Variants in PDE4D observed in about 807,000 individuals in gnomAD.
PDE4D encodes the protein 3',5'-cyclic-AMP phosphodiesterase 4D.
Under a neutral mutation model 87.4 loss-of-function variants are expected in PDE4D, and 24 were observed. That is an observed-to-expected ratio of 0.27 (90% CI 0.20 to 0.39). The LOEUF (loss-of-function observed/expected upper bound fraction) is 0.39, where lower values mean the gene tolerates loss of function less well. PDE4D is among the 10% of genes least tolerant of loss of function. The pLI, the probability that PDE4D is intolerant of heterozygous loss-of-function variation, is 1.00. For missense variants in PDE4D, 714 were observed against 1,041.0 expected, an observed-to-expected ratio of 0.69 and a Z score of 4.32; for synonymous variants, 384 against 383.2, an observed-to-expected ratio of 1.00 and a Z score of -0.02.
intron 1 of PDE4D, among the ~76,000 whole-genome samples, chr5:59,592,934 GAAGT>G (rs1020163300): frequency 6.6e-6 from 1 of 151,784 alleles, no homozygotes; most frequent in Non-Finnish European, 1.5e-5. Flanking sequence ...CCGTAGCATG[GAAGT>G]AATACAAACA....
chr5:59,475,511 A>G (rs1285333260), intron 1 of PDE4D, among the ~76,000 whole-genome samples: 1 of 152,034 alleles, frequency 6.6e-6, no homozygotes, highest in Non-Finnish European at 1.5e-5. Context: ...ACCTTAAACT[A>G]CCTATTAGTT....
At chr5:60,075,079 G>A (rs926530497) in intron 2 of PDE4D, among the ~76,000 whole-genome samples, 4 of 152,170 alleles carry the variant, frequency 2.6e-5, no homozygotes, top group Non-Finnish European at 5.9e-5. Flanking sequence ...AGACTTGTTT[G>A]TGTGGTTGCT....
intron 5 of PDE4D, among the ~76,000 whole-genome samples, chr5:59,136,979 C>A (rs1163863781): frequency 6.6e-6 from 1 of 152,204 alleles, no homozygotes; most frequent in Non-Finnish European, 1.5e-5. Context: ...GAATGCCCCA[C>A]ATCCCAGGAA....
intron 1 of PDE4D, among the ~76,000 whole-genome samples, chr5:59,300,771 G>C (rs1770074484): frequency 6.6e-6 from 1 of 152,032 alleles, no homozygotes; most frequent in South Asian, 2.1e-4. Flanking sequence ...GATCCCACCG[G>C]TTGAAGGTTC....
intron 3 of PDE4D, among the ~76,000 whole-genome samples, chr5:59,930,788 A>C (rs575445114): frequency 3.2e-4 from 48 of 152,320 alleles, no homozygotes; most frequent in Non-Finnish European, 4.9e-4. Flanking sequence ...TTTTATTTAG[A>C]GTCATTGAAA....
chr5:59,011,056 C>T (rs779965075), intron 6 of PDE4D, among the ~76,000 whole-genome samples: 9 of 152,114 alleles, frequency 5.9e-5, no homozygotes, highest in South Asian at 2.1e-4. Context: ...CCAGCAAACT[C>T]GAACAGACCC....
chr5:60,139,991 G>A lies in PDE4D; in HGVS notation c.42+45566C>T, dbSNP rs573933810. Reference sequence around the variant, plus strand: ...TATACACTGCCTCTTAATCATCACTGCTCCATGTTATGCAACTTGTCATCA... The same window carrying A: ...TATACACTGCCTCTTAATCATCACTACTCCATGTTATGCAACTTGTCATCA... On this transcript the variant is annotated intron_variant, in intron 2 of 16. Transcript: ENST00000502484. Among the ~76,000 whole-genome samples, 13 of 151,996 alleles carry A rather than the reference G, an allele frequency of 8.6e-5. No homozygotes were observed. In the East Asian group the frequency reaches 2.5e-3, roughly 29 times the overall value.
At chr5:60,117,575 T>C (rs1042517981) in intron 2 of PDE4D, among the ~76,000 whole-genome samples, 1 of 152,074 alleles carries the variant, frequency 6.6e-6, no homozygotes, top group Non-Finnish European at 1.5e-5. Context: ...GAATGTACTG[T>C]CTTACTTCAT....
At chr5:60,120,611 T>C (rs1254299063) in intron 2 of PDE4D, among the ~76,000 whole-genome samples, 1 of 152,098 alleles carries the variant, frequency 6.6e-6, no homozygotes, top group East Asian at 1.9e-4. Context: ...CAGCTGGGTT[T>C]TGAGGTTTGG....
chr5:59,215,769 G>A lies in PDE4D; in HGVS notation c.647+8C>T, dbSNP rs1751123797. ...GTTTTCTCTCTCTTTGCCTGCCCTT[G>A]TACTTACATATCACTGGCAATGGAG... On this transcript the variant is annotated splice_region_variant and intron_variant, in intron 2 of 14. Coordinates refer to ENST00000340635, the MANE Select transcript of PDE4D (RefSeq NM_001104631.2). 7.4e-6 allele frequency: 12 copies of A among 1,611,890 alleles called. No individual in the cohort carries two copies. Among genetic ancestry groups the A allele is most frequent in the African/African-American group, 1.3e-5 (1 of 74,952 alleles).
chr5:59,883,446 C>T lies in PDE4D; in HGVS notation c.455+9722G>A, dbSNP rs145502242. Among the ~76,000 whole-genome samples, 52 of 152,282 alleles carry T rather than the reference C, an allele frequency of 3.4e-4. No homozygotes were observed. In the East Asian group the frequency reaches 8.7e-3, roughly 25 times the overall value. ...TAAAGAGAATGCCCTGTTAAGAATGCTAACTGGGGCTCCAGTGCTGATAGA... is the reference window on the plus strand; with the variant it reads ...TAAAGAGAATGCCCTGTTAAGAATGTTAACTGGGGCTCCAGTGCTGATAGA... On this transcript the variant is annotated intron_variant, in intron 1 of 14. Transcript: ENST00000340635.
chr5:59,177,550 G>T (rs1473485615), intron 5 of PDE4D, among the ~76,000 whole-genome samples: 2 of 152,188 alleles, frequency 1.3e-5, no homozygotes, highest in African/African-American at 2.4e-5. Context: ...TTTATAGGTA[G>T]GGAAACTGAG....
intron 1 of PDE4D, among the ~76,000 whole-genome samples, chr5:59,744,778 T>C (rs907240765): frequency 6.6e-6 from 1 of 152,198 alleles, no homozygotes; most frequent in South Asian, 2.1e-4. Context: ...TGGGTCATAA[T>C]AATAGTAATC....
At chr5:59,097,720 G>T (rs1769996718) in intron 5 of PDE4D, among the ~76,000 whole-genome samples, 1 of 152,200 alleles carries the variant, frequency 6.6e-6, no homozygotes, top group South Asian at 2.1e-4. Flanking sequence ...GACAAGAGGA[G>T]AAGAGTCTGC....
chr5:60,505,156 A>G (rs1384164602), intron 1 of PDE4D, among the ~76,000 whole-genome samples: 1 of 152,244 alleles, frequency 6.6e-6, no homozygotes, highest in Admixed American at 6.5e-5. Context: ...AGAATAGAAA[A>G]GGTTGACTTT....
Position 59,427,994 on chromosome 5 carries a change from C to T in PDE4D, c.456-212026G>A, listed in dbSNP as rs545890594. 2.0e-5 allele frequency among the ~76,000 whole-genome samples: 3 copies of T among 152,134 alleles called. No homozygotes were observed. In the East Asian group the frequency reaches 5.8e-4, roughly 29 times the overall value. ...CGCAAATATAGAAAGTAATTATAAT[C>T]ACAGATGGTAGGGTTGTCATTCTCG... On this transcript the variant is annotated intron_variant, in intron 1 of 14. Coordinates refer to ENST00000340635, the MANE Select transcript of PDE4D (RefSeq NM_001104631.2).
At chr5:59,276,421 T>G (rs960054666) in intron 1 of PDE4D, among the ~76,000 whole-genome samples, 1 of 152,158 alleles carries the variant, frequency 6.6e-6, no homozygotes, top group African/African-American at 2.4e-5. Flanking sequence ...CAAAAAAGTA[T>G]TTCACTGAAG....
intron 6 of PDE4D, among the ~76,000 whole-genome samples, chr5:59,005,722 G>A (rs1484723770): frequency 6.6e-6 from 1 of 152,182 alleles, no homozygotes; most frequent in East Asian, 1.9e-4. Flanking sequence ...ATTCTGATAA[G>A]ATAAATATTA....
At chr5:59,862,879 C>G (rs138557886) in intron 1 of PDE4D, among the ~76,000 whole-genome samples, 3 of 152,206 alleles carry the variant, frequency 2.0e-5, no homozygotes, top group African/African-American at 7.2e-5. Context: ...AAAAGGGCAA[C>G]GGAAAATTAC....
Sources: gnomAD v4.1 joint callset for allele counts (sites outside exome capture counted in the v4.1 genomes callset) on GRCh38, gnomAD v4.1.1 for gene constraint, MANE v1.5 for transcripts, NCBI Gene and HGNC (gene_info 2026-07-23, HGNC 2026-07-21) for gene names.